Variants in NBAS observed in about 807,000 individuals in gnomAD.
NBAS encodes NAG/BC035112 fusion.
NBAS carries 219 observed loss-of-function variants against 302.5 expected under a neutral mutation model. That is an observed-to-expected ratio of 0.72 (90% confidence interval 0.65 to 0.81). The LOEUF (loss-of-function observed/expected upper bound fraction) is 0.81. Ranked by LOEUF, NBAS falls within the 30% of genes least tolerant of loss-of-function variation. NBAS has a pLI of 0.00. For synonymous variants in NBAS, 1,118 were observed against 1,021.6 expected, an observed-to-expected ratio of 1.09 and a Z score of -1.80; for missense variants, 2,932 against 2,841.6, an observed-to-expected ratio of 1.03 and a Z score of -0.72.
At chr2:15,442,988 A>C (rs1415360360) in intron 21 of NBAS, among the ~76,000 whole-genome samples, 1 of 152,126 alleles carries the variant, frequency 6.6e-6, no homozygotes, top group Non-Finnish European at 1.5e-5. Flanking sequence ...CAATAACAGG[A>C]GCTGAAATTG....
At chr2:14,979,852 G>C in the NBAS span, among the ~76,000 whole-genome samples, 1 of 152,158 alleles carries the variant, frequency 6.6e-6, no homozygotes, top group African/African-American at 2.4e-5. Context: ...GTGTAGGCCT[G>C]TAATTGTAAC....
the NBAS span, among the ~76,000 whole-genome samples, chr2:15,137,531 C>G: frequency 1.3e-5 from 2 of 152,252 alleles, no homozygotes; most frequent in Admixed American, 1.3e-4. Context: ...CAATGGAACC[C>G]TGCAATATAC....
At chr2:14,937,518 C>T in the NBAS span, among the ~76,000 whole-genome samples, 1 of 152,116 alleles carries the variant, frequency 6.6e-6, no homozygotes, top group Admixed American at 6.6e-5. Context: ...AGCTGAAGAA[C>T]CCTGGAAAGC....
chr2:14,939,944 C>T, the NBAS span, among the ~76,000 whole-genome samples: 8 of 152,236 alleles, frequency 5.3e-5, no homozygotes, highest in South Asian at 6.2e-4. Context: ...AGCTTTATCA[C>T]GGGTCATAGG....
chr2:15,441,671 G>T (rs1371596558), intron 21 of NBAS, among the ~76,000 whole-genome samples: 1 of 150,368 alleles, frequency 6.7e-6, no homozygotes, highest in Non-Finnish European at 1.5e-5. Flanking sequence ...AACTTTAAAT[G>T]TAAATGGACT....
intron 51 of NBAS, among the ~76,000 whole-genome samples, chr2:15,175,817 C>T (rs1325594285): frequency 6.6e-6 from 1 of 152,214 alleles, no homozygotes; most frequent in Non-Finnish European, 1.5e-5. Context: ...CTGGCATCAG[C>T]ACTTAAGCAT....
chr2:15,484,236 T>G (rs563547256), intron 12 of NBAS, among the ~76,000 whole-genome samples: 30 of 152,274 alleles, frequency 2.0e-4, no homozygotes, highest in Middle Eastern at 6.8e-3. Flanking sequence ...CTGATATATC[T>G]CCCTTGCTTA....
chr2:15,332,319 G>C (rs1672390311), intron 35 of NBAS, among the ~76,000 whole-genome samples: 1 of 152,150 alleles, frequency 6.6e-6, no homozygotes, highest in African/African-American at 2.4e-5. Context: ...CATGGGAATG[G>C]TAAAATAATC....
At chr2:14,968,448 T>C in the NBAS span, among the ~76,000 whole-genome samples, 7 of 151,820 alleles carry the variant, frequency 4.6e-5, no homozygotes, top group Non-Finnish European at 1.0e-4. Flanking sequence ...TTTTTTAGAG[T>C]TGTGGTTTTG....
the NBAS span, among the ~76,000 whole-genome samples, chr2:14,978,416 A>G: frequency 1.3e-5 from 2 of 152,234 alleles, no homozygotes; most frequent in Non-Finnish European, 2.9e-5. Context: ...CTTAGAACAT[A>G]TAATGATTAA....
At chr2:14,794,418 A>G in the NBAS span, among the ~76,000 whole-genome samples, 1 of 152,198 alleles carries the variant, frequency 6.6e-6, no homozygotes, top group Non-Finnish European at 1.5e-5. Context: ...GTGCAATAGT[A>G]TATTATTTTC....
chr2:15,011,995 A>C, the NBAS span, among the ~76,000 whole-genome samples: 1 of 152,226 alleles, frequency 6.6e-6, no homozygotes, highest in Non-Finnish European at 1.5e-5. Context: ...TCAACAGAGG[A>C]ACACATCAAA....
At chr2:14,836,596 A>T in the NBAS span, among the ~76,000 whole-genome samples, 2 of 151,886 alleles carry the variant, frequency 1.3e-5, no homozygotes, top group Non-Finnish European at 2.9e-5. Flanking sequence ...CTATTCATCT[A>T]TATTTTAACC....
At chr2:15,074,596 C>T in the NBAS span, among the ~76,000 whole-genome samples, 1 of 151,778 alleles carries the variant, frequency 6.6e-6, no homozygotes, top group South Asian at 2.1e-4. Flanking sequence ...GGAACTATAA[C>T]ATGTTATATA....
the NBAS span, among the ~76,000 whole-genome samples, chr2:15,042,101 T>C: frequency 1.1e-4 from 16 of 152,362 alleles, no homozygotes; most frequent in African/African-American, 2.9e-4. Context: ...TGAGGATTGC[T>C]GGAGGCCTCA....
intron 6 of NBAS, among the ~76,000 whole-genome samples, chr2:15,542,083 A>G (rs1266502630): frequency 2.4e-5 from 2 of 83,664 alleles, no homozygotes; most frequent in Non-Finnish European, 5.7e-5. Flanking sequence ...CCTACTGGGA[A>G]GTGAGGAGCC....
chr2:14,972,001 G>A, the NBAS span, among the ~76,000 whole-genome samples: 3 of 151,880 alleles, frequency 2.0e-5, no homozygotes, highest in South Asian at 6.2e-4. Flanking sequence ...ATAAGGACCT[G>A]TCCATTTCAA....
At chr2:15,176,429 C>T (rs1053733446) in intron 51 of NBAS, among the ~76,000 whole-genome samples, 4 of 151,780 alleles carry the variant, frequency 2.6e-5, no homozygotes, top group African/African-American at 9.7e-5. Context: ...AGTGGTCACA[C>T]GAAGTTACAG....
intron 21 of NBAS, among the ~76,000 whole-genome samples, chr2:15,450,409 C>T (rs1017011319): frequency 7.9e-5 from 12 of 152,220 alleles, no homozygotes; most frequent in African/African-American, 2.9e-4. Context: ...GGTCTAGATC[C>T]AAATCTTACC....
Sources: gnomAD v4.1 joint callset for allele counts (sites outside exome capture counted in the v4.1 genomes callset) on GRCh38, gnomAD v4.1.1 for gene constraint, MANE v1.5 for transcripts, NCBI Gene and HGNC (gene_info 2026-07-23, HGNC 2026-07-21) for gene names.